Variants in KCNN2 observed in about 807,000 individuals in gnomAD.
KCNN2 encodes small conductance calcium-activated potassium channel protein 2.
Under a neutral mutation model 55.5 loss-of-function variants are expected in KCNN2, and 24 were observed. The observed-to-expected ratio is 0.43, with a 90% CI of 0.31 to 0.61. The LOEUF (loss-of-function observed/expected upper bound fraction) is 0.61, where lower values mean the gene tolerates loss of function less well. Among genes scored for constraint, KCNN2 ranks in the 20% least tolerant of loss-of-function variants. KCNN2 has a pLI of 0.08. For synonymous variants in KCNN2, 431 were observed against 336.1 expected (o/e 1.28, Z -3.09); for missense variants, 754 against 853.6 (o/e 0.88, Z 1.45).
At chr5:114,490,497 TGAA>T (rs1467974331) in intron 6 of KCNN2, among the ~76,000 whole-genome samples, 2 of 152,124 alleles carry the variant, frequency 1.3e-5, no homozygotes, top group African/African-American at 4.8e-5. Flanking sequence ...ATAGTAGCAA[TGAA>T]GAAGGATAAT....
At chr5:114,158,610 T>C (rs923059076) in intron 1 of KCNN2, among the ~76,000 whole-genome samples, 12 of 151,822 alleles carry the variant, frequency 7.9e-5, no homozygotes, top group South Asian at 2.1e-4. Flanking sequence ...GCCATTTTCA[T>C]GATATTGATT....
At chr5:114,146,340 C>T (rs1752397390) in intron 1 of KCNN2, among the ~76,000 whole-genome samples, 1 of 152,124 alleles carries the variant, frequency 6.6e-6, no homozygotes, top group African/African-American at 2.4e-5. Context: ...CTTCTTTCTA[C>T]AATAGCTTGG....
In KCNN2 at chr5:114,191,080, A is replaced by G. The variant is rs1277032951; in HGVS notation, c.-270-30400A>G. On this transcript the variant is annotated intron_variant, in intron 1 of 10. Coordinates refer to the KCNN2 transcript ENST00000512097. The stretch of plus-strand genomic sequence containing the variant: ...ATGATCCTTGATTCTTTGAGTATGA[A>G]TATGTCAAAACATAGATGTAAAGAA... Among the ~76,000 whole-genome samples, 3 of 152,342 alleles carry G rather than the reference A, an allele frequency of 2.0e-5. No homozygotes were observed. The East Asian group carries it at 5.8e-4, about 29-fold the overall frequency.
intron 2 of KCNN2, among the ~76,000 whole-genome samples, chr5:114,226,627 A>G (rs1358470760): frequency 6.6e-6 from 1 of 152,096 alleles, no homozygotes; most frequent in East Asian, 1.9e-4. Context: ...TATTGGCTGG[A>G]TGCAGTAGCT....
At chr5:114,432,529 A>C (rs1759829994) in intron 3 of KCNN2, among the ~76,000 whole-genome samples, 1 of 151,986 alleles carries the variant, frequency 6.6e-6, no homozygotes, top group African/African-American at 2.4e-5. Context: ...GGCAGTCCTC[A>C]CAGCCCTCGC....
intron 5 of KCNN2, among the ~76,000 whole-genome samples, chr5:114,482,688 A>G (rs539138699): frequency 2.0e-5 from 3 of 152,214 alleles, no homozygotes; most frequent in African/African-American, 2.4e-5. Context: ...ACAGAATAGT[A>G]TACAGCCATA....
intron 1 of KCNN2, among the ~76,000 whole-genome samples, chr5:114,157,553 G>C (rs370580677): frequency 3.1e-4 from 47 of 152,042 alleles, no homozygotes; most frequent in African/African-American, 9.9e-4. Context: ...ATGGTATTTC[G>C]AGTTCTAGAT....
At chr5:114,188,731 A>T (rs1180500966) in intron 1 of KCNN2, among the ~76,000 whole-genome samples, 1 of 105,776 alleles carries the variant, frequency 9.5e-6, no homozygotes. Flanking sequence ...AAAACTATAA[A>T]TTGGGGAAAA....
At chr5:114,195,216 C>T (rs1166860171) in intron 1 of KCNN2, among the ~76,000 whole-genome samples, 4 of 147,420 alleles carry the variant, frequency 2.7e-5, no homozygotes, top group African/African-American at 5.0e-5. Context: ...TGATTTCTGC[C>T]GAAAAAAAAA....
chr5:114,406,412 A>C (rs1056446499), intron 3 of KCNN2, among the ~76,000 whole-genome samples: 1 of 151,030 alleles, frequency 6.6e-6, no homozygotes, highest in East Asian at 1.9e-4. Context: ...TTATCTCCCT[A>C]TCTCCCAGTA....
intron 5 of KCNN2, among the ~76,000 whole-genome samples, chr5:114,486,118 C>T (rs918569916): frequency 2.0e-5 from 3 of 152,166 alleles, no homozygotes; most frequent in Admixed American, 6.6e-5. Context: ...ACTACACTGC[C>T]TTTCTTAAAA....
intron 1 of KCNN2, among the ~76,000 whole-genome samples, chr5:114,188,039 C>T (rs187988700): frequency 9.8e-4 from 149 of 151,538 alleles, no homozygotes; most frequent in Non-Finnish European, 1.2e-3. Context: ...TCTTGAACTC[C>T]CGGCCTCAGG....
chr5:114,319,266 T>C (rs1361352546), intron 2 of KCNN2, among the ~76,000 whole-genome samples: 1 of 152,148 alleles, frequency 6.6e-6, no homozygotes, highest in African/African-American at 2.4e-5. Context: ...TCTCCATTGC[T>C]GTGTCTACCC....
In KCNN2 at chr5:114,212,626, A is replaced by G. The variant is rs535233692; in HGVS notation, c.-270-8854A>G. Reference sequence around the variant, plus strand: ...TAAACTTCAAGTCTAAAGTAAAAAAAAATGCTTTCATAAGCTCTTCGTGCA... The same window carrying G: ...TAAACTTCAAGTCTAAAGTAAAAAAGAATGCTTTCATAAGCTCTTCGTGCA... On this transcript the variant is annotated intron_variant, in intron 1 of 10. Transcript: ENST00000512097. Among the ~76,000 whole-genome samples, 14 of 152,134 alleles carry G rather than the reference A, an allele frequency of 9.2e-5. No individual in the cohort carries two copies. The South Asian group carries it at 2.5e-3, about 27-fold the overall frequency.
chr5:114,448,271 A>G (rs560130968), intron 3 of KCNN2, among the ~76,000 whole-genome samples: 39 of 152,218 alleles, frequency 2.6e-4, no homozygotes, highest in Admixed American at 1.1e-3. Flanking sequence ...CTTTAACACA[A>G]CATATTGTGT....
intron 1 of KCNN2, among the ~76,000 whole-genome samples, chr5:114,120,143 A>G (rs1010330664): frequency 9.2e-5 from 14 of 152,176 alleles, no homozygotes; most frequent in Admixed American, 2.0e-4. Context: ...TTATGGAAAT[A>G]TACCTGTTTT....
At chr5:114,201,700 C>T (rs56279413) in intron 1 of KCNN2, among the ~76,000 whole-genome samples, 55,255 of 151,808 alleles carry the variant, frequency 0.36, 10,568 homozygotes, top group East Asian at 0.73. Flanking sequence ...CCAGAGAAGG[C>T]GGGGTCCCTC....
rs1309590184 is a variant in KCNN2, at chr5:114,449,908, A to ACACACACACACGCGCG, written c.1638-13140_1638-13139insACACACACACGCGCGC. ...CACACACACACACACACACACACACACGCGCGCGCTCGCGTGCGCGCACTC... is the reference window on the plus strand; with the variant it reads ...CACACACACACACACACACACACACACACACACACACGCGCGCGCGCGCGCTCGCGTGCGCGCACTC... On this transcript the variant is annotated intron_variant, in intron 3 of 7. Transcript: ENST00000673685. 3.1e-3 allele frequency among the ~76,000 whole-genome samples: 207 copies of ACACACACACACGCGCG among 66,140 alleles called. 1 individual carries two copies. The highest frequency in any genetic ancestry group is 6.5e-3 in the African/African-American group (185 of 28,660). 43.4% of individuals were successfully genotyped at this position (66,140 alleles called of 152,430 possible).
chr5:114,273,085 T>G (rs1755399123), intron 2 of KCNN2, among the ~76,000 whole-genome samples: 1 of 152,140 alleles, frequency 6.6e-6, no homozygotes, highest in African/African-American at 2.4e-5. Flanking sequence ...GTCCATGTAT[T>G]CTCATTGTTC....
Sources: gnomAD v4.1 joint callset for allele counts (sites outside exome capture counted in the v4.1 genomes callset) on GRCh38, gnomAD v4.1.1 for gene constraint, MANE v1.5 for transcripts, NCBI Gene and HGNC (gene_info 2026-07-23, HGNC 2026-07-21) for gene names.